Variants in CDH8 observed in about 807,000 individuals in gnomAD.
CDH8 encodes cadherin-8.
In CDH8, 17 loss-of-function variants were observed where a neutral mutation model predicts 68.1. That is an observed-to-expected ratio of 0.25 (90% CI 0.17 to 0.37). CDH8 has a LOEUF of 0.37. Ranked by LOEUF, CDH8 falls within the 10% of genes least tolerant of loss-of-function variation. The probability of loss-of-function intolerance (pLI) is 1.00; values close to 1 mark genes in which losing one functional copy is unlikely to be tolerated. For missense variants in CDH8, 763 were observed against 999.3 expected, an observed-to-expected ratio of 0.76 and a Z score of 3.19; for synonymous variants, 372 against 365.1, an observed-to-expected ratio of 1.02 and a Z score of -0.21.
At chr16:61,948,121 G>GA (rs959101007) in intron 2 of CDH8, among the ~76,000 whole-genome samples, 1 of 152,090 alleles carries the variant, frequency 6.6e-6, no homozygotes, top group Non-Finnish European at 1.5e-5. Flanking sequence ...TAAATTTGGG[G>GA]AAAAACTAAG....
chr16:61,771,271 T>C (rs1960769687), intron 8 of CDH8, among the ~76,000 whole-genome samples: 1 of 151,864 alleles, frequency 6.6e-6, no homozygotes, highest in Non-Finnish European at 1.5e-5. Context: ...TCTATGGTAT[T>C]CTGTGGAGTT....
intron 4 of CDH8, among the ~76,000 whole-genome samples, chr16:61,842,606 C>T (rs1962710369): frequency 6.6e-6 from 1 of 152,124 alleles, no homozygotes; most frequent in South Asian, 2.1e-4. Context: ...TATATGAAAA[C>T]AAACATATAC....
intron 3 of CDH8, among the ~76,000 whole-genome samples, chr16:61,879,970 G>C (rs1963539157): frequency 6.6e-6 from 1 of 151,960 alleles, no homozygotes; most frequent in South Asian, 2.1e-4. Context: ...CTGTCACCCA[G>C]GCTGGAGTGC....
intron 1 of CDH8, among the ~76,000 whole-genome samples, chr16:62,029,513 CT>C (rs1372647300): frequency 1.3e-5 from 2 of 152,152 alleles, no homozygotes; most frequent in African/African-American, 2.4e-5. Context: ...CTCAGAAGGG[CT>C]GCATTTTTAC....
chr16:61,864,589 A>G (rs1358990057), intron 3 of CDH8, among the ~76,000 whole-genome samples: 1 of 152,126 alleles, frequency 6.6e-6, no homozygotes, highest in African/African-American at 2.4e-5. Context: ...CAGTTTTGCT[A>G]TTAGCTACCA....
intron 2 of CDH8, among the ~76,000 whole-genome samples, chr16:61,983,141 C>G (rs1965567376): frequency 6.6e-6 from 1 of 152,122 alleles, no homozygotes; most frequent in South Asian, 2.1e-4. Flanking sequence ...TGTCTTTCAC[C>G]AATAAAGGTG....
chr16:61,667,345 T>A (rs555107684), intron 10 of CDH8: 52 of 152,002 alleles, frequency 3.4e-4, no homozygotes, highest in African/African-American at 1.2e-3. Flanking sequence ...CCTGTGGAAG[T>A]TCCTAGACTA....
In CDH8 at chr16:61,817,625, T is replaced by C; in HGVS notation, c.1131A>G (p.Thr377=). The change falls in exon 7 of 12, where the codon ACA becomes ACG. Residue 377 remains threonine, a synonymous_variant. Transcript: ENST00000577390. ...SGRGPFKDTA[T]VKIVVEDADE... ...CAGCATCTTCAACCACGATTTTGAC[T>C]GTCGCCGTGTCTTTAAAGGGCCCCC... is the stretch of plus-strand genomic sequence containing the variant. The C allele has an allele frequency of 6.2e-7, 1 of 1,613,980 alleles. No homozygotes were observed. The highest frequency in any genetic ancestry group is 8.5e-7 in the Non-Finnish European group (1 of 1,179,978).
At chr16:61,900,731 A>G (rs1390218885) in intron 3 of CDH8, among the ~76,000 whole-genome samples, 1 of 152,190 alleles carries the variant, frequency 6.6e-6, no homozygotes, top group Non-Finnish European at 1.5e-5. Context: ...GAACCACTAG[A>G]GCAACCTAAT....
chr16:62,011,675 A>G (rs1027038890), intron 2 of CDH8, among the ~76,000 whole-genome samples: 2 of 101,278 alleles, frequency 2.0e-5, no homozygotes, highest in African/African-American at 6.6e-5. Context: ...GGGTAGTGTT[A>G]AAACAGATTC....
chr16:61,795,177 TA>T (rs34435571), intron 7 of CDH8, among the ~76,000 whole-genome samples: 5 of 150,774 alleles, frequency 3.3e-5, no homozygotes, highest in Admixed American at 6.6e-5. Context: ...AGAAAATACT[TA>T]AAAAAAAAGA....
At chr16:61,878,412 C>G (rs761660193) in intron 3 of CDH8, among the ~76,000 whole-genome samples, 1 of 152,076 alleles carries the variant, frequency 6.6e-6, no homozygotes, top group Non-Finnish European at 1.5e-5. Context: ...GCTATAGCAC[C>G]ATGATTTTGT....
At chr16:61,955,117 T>G (rs752900894) in intron 2 of CDH8, among the ~76,000 whole-genome samples, 34 of 152,342 alleles carry the variant, frequency 2.2e-4, no homozygotes, top group Middle Eastern at 3.4e-3. Flanking sequence ...TCCTCCACTG[T>G]AGACTATTGA....
At chr16:61,730,009 A>ACG (rs1959489652) in intron 8 of CDH8, among the ~76,000 whole-genome samples, 1 of 149,966 alleles carries the variant, frequency 6.7e-6, no homozygotes, top group African/African-American at 2.4e-5. Context: ...ACACACACAC[A>ACG]CACTCATATC....
intron 4 of CDH8, among the ~76,000 whole-genome samples, chr16:61,851,248 A>AT (rs145244002): frequency 0.17 from 25,910 of 151,780 alleles, 2,318 homozygotes; most frequent in East Asian, 0.23. Flanking sequence ...CATTACATGG[A>AT]TTTTTTTTCC....
intron 2 of CDH8, among the ~76,000 whole-genome samples, chr16:61,956,715 G>A (rs1458748322): frequency 6.6e-6 from 1 of 151,960 alleles, no homozygotes; most frequent in African/African-American, 2.4e-5. Flanking sequence ...ATAAAAATGA[G>A]GTAAAATGCT....
At chr16:61,710,083 G>C (rs980205267) in intron 10 of CDH8, among the ~76,000 whole-genome samples, 1 of 152,194 alleles carries the variant, frequency 6.6e-6, no homozygotes, top group Non-Finnish European at 1.5e-5. Flanking sequence ...CATATAAAGG[G>C]ACCTCGTCCC....
At chr16:61,734,413 T>C (rs895179877) in intron 8 of CDH8, among the ~76,000 whole-genome samples, 2 of 152,140 alleles carry the variant, frequency 1.3e-5, no homozygotes, top group Admixed American at 1.3e-4. Context: ...CAGTGATAGA[T>C]CTGCTTTTGC....
chr16:61,988,512 G>C (rs1965663460), intron 2 of CDH8, among the ~76,000 whole-genome samples: 2 of 152,088 alleles, frequency 1.3e-5, no homozygotes, highest in Non-Finnish European at 2.9e-5. Flanking sequence ...TAACACAGCA[G>C]TTAGTGATGA....
Sources: gnomAD v4.1 joint callset for allele counts (sites outside exome capture counted in the v4.1 genomes callset) on GRCh38, gnomAD v4.1.1 for gene constraint, MANE v1.5 for transcripts, NCBI Gene and HGNC (gene_info 2026-07-23, HGNC 2026-07-21) for gene names.